Variants in ZNF618 observed in about 807,000 individuals in gnomAD.
ZNF618 encodes the protein neural precursor cell expressed, developmentally down-regulated 10.
A neutral mutation model predicts 103.0 loss-of-function variants in ZNF618; 34 were observed. That is an observed-to-expected ratio of 0.33 (90% CI 0.25 to 0.44). The LOEUF (loss-of-function observed/expected upper bound fraction) is 0.44. Ranked by LOEUF, ZNF618 falls within the 20% of genes least tolerant of loss-of-function variation. The pLI, the probability that ZNF618 is intolerant of heterozygous loss-of-function variation, is 1.00. For synonymous variants in ZNF618, 551 were observed against 542.2 expected, an observed-to-expected ratio of 1.02 and a Z score of -0.23; for missense variants, 1,059 against 1,295.4, an observed-to-expected ratio of 0.82 and a Z score of 2.80.
intron 1 of ZNF618, among the ~76,000 whole-genome samples, chr9:113,950,661 A>G (rs563539369): frequency 2.6e-5 from 4 of 152,318 alleles, no homozygotes; most frequent in Admixed American, 2.6e-4. Context: ...CTCTGCCTCC[A>G]GGCTGCCCTC....
chr9:113,933,292 C>G (rs924488059), intron 1 of ZNF618, among the ~76,000 whole-genome samples: 74 of 152,202 alleles, frequency 4.9e-4, no homozygotes, highest in African/African-American at 1.7e-3. Context: ...GGGCATGTTC[C>G]CTAGTGCTGA....
At chr9:113,986,051 A>T (rs1839442236) in intron 2 of ZNF618, among the ~76,000 whole-genome samples, 2 of 152,228 alleles carry the variant, frequency 1.3e-5, no homozygotes, top group Admixed American at 1.3e-4. Flanking sequence ...GGACAGACAC[A>T]TGAGGAGGAG....
chr9:113,962,561 A>G (rs2132606767), intron 1 of ZNF618, among the ~76,000 whole-genome samples: 1 of 152,242 alleles, frequency 6.6e-6, no homozygotes, highest in South Asian at 2.1e-4. Flanking sequence ...TCTTGTCCTC[A>G]TGTACTCTGC....
At chr9:113,893,919 T>C (rs1229953607) in intron 1 of ZNF618, among the ~76,000 whole-genome samples, 1 of 152,194 alleles carries the variant, frequency 6.6e-6, no homozygotes, top group East Asian at 1.9e-4. Flanking sequence ...GCTTTGTTCA[T>C]TTGGAAAATA....
rs1846270811 is a variant in ZNF618, at chr9:114,053,552, C to T, written c.*3385C>T. 6.6e-6 allele frequency: 1 copy of T among 152,262 alleles called. No individual in the cohort carries two copies. The highest frequency in any genetic ancestry group is 2.1e-4 in the South Asian group (1 of 4,832). 9.4% of individuals were successfully genotyped at this position (152,262 alleles called of 1,614,324 possible). A position where few individuals can be genotyped will look rare whatever the true frequency, so the allele number is the denominator to read the frequency against. ...GGGAGGTGAAGAAAACACACCTCCA[C>T]CTGGCAAGTTTTTCTCCCTCATCTG... On this transcript the variant is annotated 3_prime_UTR_variant, in exon 15 of 15. Coordinates refer to ENST00000374126, the MANE Select transcript of ZNF618 (RefSeq NM_001318042.2).
At chr9:113,994,642 G>C (rs1162232096) in intron 3 of ZNF618, among the ~76,000 whole-genome samples, 1 of 152,184 alleles carries the variant, frequency 6.6e-6, no homozygotes, top group African/African-American at 2.4e-5. Flanking sequence ...TAGAATTGTT[G>C]GGGGCAGAGT....
intron 11 of ZNF618, among the ~76,000 whole-genome samples, chr9:114,029,699 C>T (rs746415192): frequency 6.6e-6 from 1 of 152,166 alleles, no homozygotes; most frequent in Non-Finnish European, 1.5e-5. Context: ...GATGGTTGAC[C>T]TAGATCTCTG....
At chr9:113,933,575 G>A (rs1190711624) in intron 1 of ZNF618, among the ~76,000 whole-genome samples, 2 of 152,078 alleles carry the variant, frequency 1.3e-5, no homozygotes, top group South Asian at 2.1e-4. Flanking sequence ...GAGGAGAGAG[G>A]CGAAAGTCTC....
In ZNF618 at chr9:114,049,429, G is replaced by C; in HGVS notation, c.2127G>C (p.Glu709Asp). 1 of 1,604,750 alleles carries C rather than the reference G, an allele frequency of 6.2e-7. No individual in the cohort carries two copies. The highest frequency in any genetic ancestry group is 8.5e-7 in the Non-Finnish European group (1 of 1,175,730). Reference sequence around the variant, plus strand: ...TGTTGCTGGTGCATGAGCGCTATGAGCAGATCTGCGAGTTCTACAGCCGGG... The same window carrying C: ...TGTTGCTGGTGCATGAGCGCTATGACCAGATCTGCGAGTTCTACAGCCGGG... ...DSLLLVHERY[E>D]QICEFYSRAK... Residue 709 changes from glutamate to aspartate, a missense_variant, in exon 15 of 15, where the codon GAG (glutamate) becomes GAC (aspartate). Glu to Asp is a conservative substitution (Grantham distance 45, BLOSUM62 2). Coordinates refer to ENST00000374126, the MANE Select transcript of ZNF618 (RefSeq NM_001318042.2).
chr9:113,955,508 G>GA (rs1410526546), intron 1 of ZNF618, among the ~76,000 whole-genome samples: 3 of 151,704 alleles, frequency 2.0e-5, no homozygotes, highest in East Asian at 1.9e-4. Context: ...TTTTGATTTT[G>GA]AAAAAAATTC....
chr9:113,964,727 G>C (rs1837200633), intron 1 of ZNF618, among the ~76,000 whole-genome samples: 1 of 142,720 alleles, frequency 7.0e-6, no homozygotes. Flanking sequence ...AAAGAAAAGA[G>C]CAAATTCTAC....
At chr9:113,971,088 C>T (rs1003932304) in intron 2 of ZNF618, among the ~76,000 whole-genome samples, 2 of 151,086 alleles carry the variant, frequency 1.3e-5, no homozygotes, top group Non-Finnish European at 2.9e-5. Flanking sequence ...AGCTGCCCAG[C>T]GTTTTGTGTT....
chr9:113,932,854 TGTAA>T (rs1833718992), intron 1 of ZNF618, among the ~76,000 whole-genome samples: 1 of 152,122 alleles, frequency 6.6e-6, no homozygotes, highest in African/African-American at 2.4e-5. Context: ...AGCTGTTGGA[TGTAA>T]GTCTGGAGCG....
intron 1 of ZNF618, among the ~76,000 whole-genome samples, chr9:113,902,933 A>G (rs529115254): frequency 4.4e-4 from 67 of 152,336 alleles, no homozygotes; most frequent in African/African-American, 1.1e-3. Flanking sequence ...TAAAACTGCA[A>G]TGAACATCCT....
intron 1 of ZNF618, among the ~76,000 whole-genome samples, chr9:113,930,724 C>G (rs371738990): frequency 6.6e-6 from 1 of 152,206 alleles, no homozygotes. Context: ...CTTCCTCGCT[C>G]AGCAGTGGTC....
At chr9:113,996,204 A>T (rs546833166) in intron 3 of ZNF618, among the ~76,000 whole-genome samples, 1 of 152,166 alleles carries the variant, frequency 6.6e-6, no homozygotes, top group African/African-American at 2.4e-5. Context: ...CAAGCCCTGG[A>T]CCCAGCTCCT....
At chr9:113,942,743 A>G (rs1412405078) in intron 1 of ZNF618, among the ~76,000 whole-genome samples, 2 of 152,226 alleles carry the variant, frequency 1.3e-5, no homozygotes, top group Non-Finnish European at 2.9e-5. Flanking sequence ...AATGACAGTC[A>G]GTTCTTTCAG....
intron 2 of ZNF618, among the ~76,000 whole-genome samples, chr9:113,988,014 A>G (rs1047707225): frequency 4.6e-5 from 7 of 152,210 alleles, no homozygotes; most frequent in African/African-American, 1.7e-4. Context: ...AGTGCAAACA[A>G]ATAAGTGGCA....
At chr9:113,880,906 T>A (rs1235895540) in intron 1 of ZNF618, among the ~76,000 whole-genome samples, 1 of 152,230 alleles carries the variant, frequency 6.6e-6, no homozygotes, top group Non-Finnish European at 1.5e-5. Flanking sequence ...TTATCTCAAT[T>A]AACTTTTAGG....
Sources: gnomAD v4.1 joint callset for allele counts (sites outside exome capture counted in the v4.1 genomes callset) on GRCh38, gnomAD v4.1.1 for gene constraint, MANE v1.5 for transcripts, NCBI Gene and HGNC (gene_info 2026-07-23, HGNC 2026-07-21) for gene names.